Variants in DLG2 observed in about 807,000 individuals in gnomAD.
The protein encoded by DLG2 is disks large homolog 2.
DLG2 carries 45 observed loss-of-function variants against 132.5 expected under a neutral mutation model. That is an observed-to-expected ratio of 0.34 (90% CI 0.27 to 0.44). DLG2 has a LOEUF of 0.44. Among genes scored for constraint, DLG2 ranks in the 20% least tolerant of loss-of-function variants. The probability of loss-of-function intolerance (pLI) is 1.00; values close to 1 mark genes in which losing one functional copy is unlikely to be tolerated. For missense variants in DLG2, 1,045 were observed against 1,196.9 expected (o/e 0.87, Z 1.87); for synonymous variants, 424 against 419.6 (o/e 1.01, Z -0.13).
chr11:85,344,549 TA>T (rs2082703400), intron 3 of DLG2, among the ~76,000 whole-genome samples: 1 of 152,346 alleles, frequency 6.6e-6, no homozygotes, highest in East Asian at 1.9e-4. Flanking sequence ...TCTGAACTTT[TA>T]TTCAGTAAAA....
intron 11 of DLG2, among the ~76,000 whole-genome samples, chr11:83,982,265 A>G (rs1233838618): frequency 1.3e-5 from 2 of 152,082 alleles, no homozygotes; most frequent in Non-Finnish European, 2.9e-5. Flanking sequence ...AAAAGCCTCA[A>G]GCAACTCTTT....
chr11:83,987,819 A>T (rs2093436299), intron 11 of DLG2, among the ~76,000 whole-genome samples: 1 of 152,100 alleles, frequency 6.6e-6, no homozygotes, highest in South Asian at 2.1e-4. Flanking sequence ...AATAATAGCC[A>T]TCTCTCTGGT....
intron 7 of DLG2, among the ~76,000 whole-genome samples, chr11:84,422,357 T>A (rs1394872375): frequency 6.6e-6 from 1 of 152,200 alleles, no homozygotes; most frequent in African/African-American, 2.4e-5. Flanking sequence ...TTTAATAGCC[T>A]ACCGCAGTTC....
chr11:84,141,591 C>A (rs1051384552), intron 9 of DLG2, among the ~76,000 whole-genome samples: 6 of 151,988 alleles, frequency 3.9e-5, no homozygotes, highest in Non-Finnish European at 5.9e-5. Flanking sequence ...CCCTTTAGGG[C>A]CTTAAACTTT....
At chr11:85,223,006 C>T (rs996248836) in intron 4 of DLG2, among the ~76,000 whole-genome samples, 1 of 152,132 alleles carries the variant, frequency 6.6e-6, no homozygotes, top group Non-Finnish European at 1.5e-5. Context: ...GCAACCATTC[C>T]AAACCTGGAA....
intron 6 of DLG2, among the ~76,000 whole-genome samples, chr11:84,909,891 T>C (rs2091902976): frequency 6.6e-6 from 1 of 152,192 alleles, no homozygotes; most frequent in African/African-American, 2.4e-5. Context: ...GCCAAATCCC[T>C]GCATCCTGCC....
chr11:84,444,023 T>TA (rs2099025342), intron 7 of DLG2, among the ~76,000 whole-genome samples: 1 of 151,810 alleles, frequency 6.6e-6, no homozygotes, highest in African/African-American at 2.4e-5. Context: ...TTTTTTTTTT[T>TA]AATTTACAGT....
At chr11:84,043,380 T>G (rs1378669831) in intron 11 of DLG2, among the ~76,000 whole-genome samples, 1 of 151,742 alleles carries the variant, frequency 6.6e-6, no homozygotes, top group Non-Finnish European at 1.5e-5. Flanking sequence ...TTTTGGATTT[T>G]TAATTTAATA....
At chr11:83,900,751 G>C (rs552569251) in intron 15 of DLG2, among the ~76,000 whole-genome samples, 7 of 152,204 alleles carry the variant, frequency 4.6e-5, no homozygotes, top group South Asian at 2.1e-4. Context: ...TAGTGTGGAA[G>C]GGAAGTGTGG....
chr11:85,053,397 C>G (rs2063099458), intron 6 of DLG2, among the ~76,000 whole-genome samples: 1 of 152,082 alleles, frequency 6.6e-6, no homozygotes, highest in African/African-American at 2.4e-5. Context: ...CTGTCTACCA[C>G]ATAAGATGAC....
intron 8 of DLG2, among the ~76,000 whole-genome samples, chr11:84,215,873 T>G (rs968525466): frequency 2.0e-5 from 3 of 152,344 alleles, no homozygotes; most frequent in African/African-American, 7.2e-5. Flanking sequence ...ATAAATTGAA[T>G]GCATTCCAAT....
chr11:84,986,308 TA>T (rs1252044493), intron 6 of DLG2, among the ~76,000 whole-genome samples: 1 of 151,696 alleles, frequency 6.6e-6, no homozygotes, highest in Non-Finnish European at 1.5e-5. Flanking sequence ...AATGGTAATT[TA>T]AAAAACTCCA....
chr11:84,715,505 T>C (rs1392185547), intron 6 of DLG2, among the ~76,000 whole-genome samples: 1 of 152,076 alleles, frequency 6.6e-6, no homozygotes, highest in Non-Finnish European at 1.5e-5. Flanking sequence ...TAACCGCAAC[T>C]TTGTTTCCTG....
chr11:85,581,711 C>A (rs1299833940), intron 3 of DLG2, among the ~76,000 whole-genome samples: 1 of 152,134 alleles, frequency 6.6e-6, no homozygotes, highest in South Asian at 2.1e-4. Context: ...CCAGGTGGAA[C>A]ATTTGACAGA....
At chr11:85,021,704 A>C in intron 6 of DLG2, 1 of 837,484 alleles carries the variant, frequency 1.2e-6, no homozygotes, top group African/African-American at 1.7e-5. Context: ...GCTGAAGATC[A>C]AAAAAAATCC....
intron 7 of DLG2, among the ~76,000 whole-genome samples, chr11:84,337,811 C>T (rs550436511): frequency 2.1e-4 from 32 of 152,108 alleles, no homozygotes; most frequent in Non-Finnish European, 4.3e-4. Context: ...AAGTAAGATC[C>T]TAGAAATGAA....
intron 19 of DLG2, among the ~76,000 whole-genome samples, chr11:83,598,032 T>C (rs1594176965): frequency 6.6e-6 from 1 of 152,374 alleles, no homozygotes; most frequent in East Asian, 1.9e-4. Context: ...AGTCATGGTC[T>C]GATGCTCCCT....
intron 22 of DLG2, chr11:83,480,768 G>GTTTTC: frequency 1.4e-6 from 1 of 693,920 alleles, no homozygotes; most frequent in African/African-American, 1.8e-5. Context: ...TTGACTGAGT[G>GTTTTC]TTTTCTTGAC....
intron 9 of DLG2, among the ~76,000 whole-genome samples, chr11:84,134,646 G>C (rs2094535404): frequency 6.6e-6 from 1 of 151,820 alleles, no homozygotes; most frequent in South Asian, 2.1e-4. Context: ...GATAAAAATA[G>C]AATTACATCA....
Sources: allele counts gnomAD v4.1 joint callset (sites outside exome capture counted in the v4.1 genomes callset), GRCh38; gene constraint gnomAD v4.1.1; transcripts MANE v1.5; gene names NCBI Gene and HGNC (gene_info 2026-07-23, HGNC 2026-07-21).